Variants in POU6F2 observed in about 807,000 individuals in gnomAD.
POU6F2 encodes POU class 6 homeobox 2.
Under a neutral mutation model 71.3 loss-of-function variants are expected in POU6F2, and 31 were observed. The ratio of observed to expected loss-of-function variants is 0.43; its 90% CI spans 0.33 to 0.59. The LOEUF (loss-of-function observed/expected upper bound fraction) is 0.59, where lower values mean the gene tolerates loss of function less well. Ranked by LOEUF, POU6F2 falls within the 20% of genes least tolerant of loss-of-function variation. The pLI, the probability that POU6F2 is intolerant of heterozygous loss-of-function variation, is 0.04. For missense variants in POU6F2, 783 were observed against 856.8 expected, an observed-to-expected ratio of 0.91 and a Z score of 1.07; for synonymous variants, 347 against 355.7, an observed-to-expected ratio of 0.98 and a Z score of 0.27.
chr7:39,203,731 A>G (rs1277166336), intron 2 of POU6F2, among the ~76,000 whole-genome samples: 2 of 152,164 alleles, frequency 1.3e-5, no homozygotes, highest in African/African-American at 2.4e-5. Context: ...AGAACATTTT[A>G]TAAGGTGATA....
chr7:39,073,650 G>A (rs899613402), intron 1 of POU6F2, among the ~76,000 whole-genome samples: 3 of 152,214 alleles, frequency 2.0e-5, no homozygotes, highest in African/African-American at 7.2e-5. Context: ...GGGCGCAGCC[G>A]TGTACAGACC....
At position 39,464,617 on chromosome 7, in the gene POU6F2, A is replaced by C. The variant is rs1283019098; in HGVS notation, c.2094A>C (p.Leu698Phe). 6.2e-7 allele frequency: 1 copy of C among 1,610,260 alleles called. No homozygotes were observed. Among genetic ancestry groups the C allele is most frequent in the African/African-American group, 1.3e-5 (1 of 74,852 alleles). ...RQALKNTIKRLKQHEPATAVP... is the reference protein window; with the variant it reads ...RQALKNTIKRFKQHEPATAVP... ...CCCTGAAGAACACAATTAAACGCTT[A>C]AAACAGCACGAGCCGGCCACGGCAG... Residue 698 changes from leucine to phenylalanine, a missense_variant, in exon 10 of 10, where the codon TTA (leucine) becomes TTC (phenylalanine). Leu to Phe is a conservative substitution (Grantham distance 22). Coordinates refer to ENST00000518318, the MANE Select transcript of POU6F2 (RefSeq NM_001370959.1). The surrounding 1 kb of genome is among the most constrained non-coding windows in gnomAD (Gnocchi z 4.1).
At chr7:39,345,655 T>G (rs1381069608) in intron 5 of POU6F2, among the ~76,000 whole-genome samples, 1 of 152,222 alleles carries the variant, frequency 6.6e-6, no homozygotes, top group Non-Finnish European at 1.5e-5. Context: ...AGTATCACTA[T>G]GTAGACAACA....
intron 1 of POU6F2, among the ~76,000 whole-genome samples, chr7:39,002,511 C>G (rs1409160943): frequency 6.6e-6 from 1 of 152,162 alleles, no homozygotes; most frequent in African/African-American, 2.4e-5. Context: ...CTATGCCTGG[C>G]TAATTTTTAT....
intron 8 of POU6F2, among the ~76,000 whole-genome samples, chr7:39,454,698 ATATATATATATATATATATATATAT>A (rs1562559071): frequency 3.4e-5 from 2 of 58,530 alleles, no homozygotes; most frequent in East Asian, 3.7e-4. Flanking sequence ...ATATATATAT[ATATATATATATATATATATATATAT>A]ATATAAAATA....
At chr7:39,234,039 A>G (rs1794626619) in intron 4 of POU6F2, among the ~76,000 whole-genome samples, 1 of 152,092 alleles carries the variant, frequency 6.6e-6, no homozygotes, top group Non-Finnish European at 1.5e-5. Context: ...TGGAAACTAC[A>G]TCTTTGGCAC....
At chr7:38,982,252 T>C (rs1788339269) in intron 1 of POU6F2, among the ~76,000 whole-genome samples, 1 of 152,182 alleles carries the variant, frequency 6.6e-6, no homozygotes, top group Admixed American at 6.5e-5. Flanking sequence ...TTTTTGAAAC[T>C]GACAGATTGC....
At chr7:39,005,782 C>T (rs548406756) in intron 1 of POU6F2, among the ~76,000 whole-genome samples, 17 of 152,066 alleles carry the variant, frequency 1.1e-4, no homozygotes, top group African/African-American at 3.9e-4. Context: ...ATAATAATGC[C>T]AAGAGTTGCT....
At chr7:38,985,804 T>C (rs1788448571) in intron 1 of POU6F2, among the ~76,000 whole-genome samples, 1 of 152,164 alleles carries the variant, frequency 6.6e-6, no homozygotes, top group South Asian at 2.1e-4. Context: ...GAACTGCTAA[T>C]ACAAGAGGTG....
intron 1 of POU6F2, among the ~76,000 whole-genome samples, chr7:39,057,553 TATA>T (rs1790557961): frequency 6.6e-6 from 1 of 152,186 alleles, no homozygotes; most frequent in Non-Finnish European, 1.5e-5. Context: ...CCTAATTGTT[TATA>T]ATGTTTTCAA....
chr7:39,068,366 C>A (rs1202697726), intron 1 of POU6F2, among the ~76,000 whole-genome samples: 1 of 151,842 alleles, frequency 6.6e-6, no homozygotes, highest in Non-Finnish European at 1.5e-5. Context: ...ACATATTAGG[C>A]CCTTAATAAA....
intron 4 of POU6F2, among the ~76,000 whole-genome samples, chr7:39,279,431 T>G (rs1300628259): frequency 6.6e-6 from 1 of 152,058 alleles, no homozygotes; most frequent in Non-Finnish European, 1.5e-5. Flanking sequence ...TCCCATGGGG[T>G]GATTGTGGAA....
At chr7:39,099,297 T>G (rs1791521529) in intron 2 of POU6F2, among the ~76,000 whole-genome samples, 1 of 152,218 alleles carries the variant, frequency 6.6e-6, no homozygotes. Flanking sequence ...AGCAAATGCC[T>G]TTCTCCCTGG....
intron 4 of POU6F2, among the ~76,000 whole-genome samples, chr7:39,323,734 G>A (rs182440857): frequency 2.3e-4 from 35 of 152,240 alleles, no homozygotes; most frequent in Admixed American, 3.9e-4. Flanking sequence ...TGGGCACTTG[G>A]CAAATGGCTT....
At chr7:39,304,856 C>T (rs1055603948) in intron 4 of POU6F2, among the ~76,000 whole-genome samples, 1 of 152,150 alleles carries the variant, frequency 6.6e-6, no homozygotes, top group African/African-American at 2.4e-5. Context: ...AGTCCCTGAG[C>T]GATGATTAAC....
At chr7:39,277,520 C>T (rs1433982535) in intron 4 of POU6F2, among the ~76,000 whole-genome samples, 1 of 152,122 alleles carries the variant, frequency 6.6e-6, no homozygotes. Context: ...TTTTCTATTT[C>T]CGCAAAAAGC....
chr7:39,266,447 G>A (rs763497920), intron 4 of POU6F2, among the ~76,000 whole-genome samples: 3 of 152,136 alleles, frequency 2.0e-5, no homozygotes, highest in African/African-American at 7.2e-5. Context: ...CAGTGTTTAC[G>A]TAGCCTTATG....
intron 4 of POU6F2, among the ~76,000 whole-genome samples, chr7:39,271,368 C>G (rs916315313): frequency 1.3e-5 from 2 of 151,898 alleles, no homozygotes; most frequent in Admixed American, 1.3e-4. Flanking sequence ...GATGTGGGTG[C>G]CTTACAGAAA....
intron 5 of POU6F2, among the ~76,000 whole-genome samples, chr7:39,386,522 G>T (rs1356225726): frequency 2.6e-5 from 4 of 152,160 alleles, no homozygotes; most frequent in Non-Finnish European, 4.4e-5. Context: ...CTCCTCTGAG[G>T]ACAAGGGAGA....
Sources: gnomAD v4.1 joint callset for allele counts (sites outside exome capture counted in the v4.1 genomes callset) on GRCh38, gnomAD v4.1.1 for gene constraint, Gnocchi (gnomAD v3.1) non-coding constraint, MANE v1.5 for transcripts, NCBI Gene and HGNC (gene_info 2026-07-23, HGNC 2026-07-21) for gene names.